Variants in LTBP1 observed in about 807,000 individuals in gnomAD.
The protein encoded by LTBP1 is latent-transforming growth factor beta-binding protein 1.
Under a neutral mutation model 207.6 loss-of-function variants are expected in LTBP1, and 129 were observed. The ratio of observed to expected loss-of-function variants is 0.62; its 90% confidence interval spans 0.54 to 0.72. LTBP1 has a LOEUF of 0.72. Ranked by LOEUF, LTBP1 falls within the 30% of genes least tolerant of loss-of-function variation. The probability of loss-of-function intolerance (pLI) is 0.00; values close to 1 mark genes in which losing one functional copy is unlikely to be tolerated. For synonymous variants in LTBP1, 963 were observed against 833.7 expected (o/e 1.16, Z -2.67); for missense variants, 2,281 against 2,217.2 (o/e 1.03, Z -0.58).
At chr2:33,298,956 G>A (rs2093932283) in intron 20 of LTBP1, among the ~76,000 whole-genome samples, 1 of 152,130 alleles carries the variant, frequency 6.6e-6, no homozygotes, top group African/African-American at 2.4e-5. Context: ...CATTTTAAAA[G>A]TTAATGCCCC....
At chr2:33,100,204 C>T (rs897770790) in intron 3 of LTBP1, among the ~76,000 whole-genome samples, 4 of 152,188 alleles carry the variant, frequency 2.6e-5, no homozygotes, top group Admixed American at 2.6e-4. Context: ...AGACTGACAG[C>T]TCATGCTGTG....
intron 5 of LTBP1, among the ~76,000 whole-genome samples, chr2:33,171,121 G>A (rs1237401890): frequency 1.6e-5 from 2 of 127,400 alleles, no homozygotes; most frequent in African/African-American, 2.9e-5. Flanking sequence ...CCAAAGGAAC[G>A]CAGTTCCTCA....
At chr2:33,048,062 TG>T (rs1469524285) in intron 3 of LTBP1, among the ~76,000 whole-genome samples, 2 of 152,270 alleles carry the variant, frequency 1.3e-5, no homozygotes, top group African/African-American at 4.8e-5. Context: ...GGATGAACCT[TG>T]CATAAATTAA....
Position 32,969,229 on chromosome 2 carries a change from T to TTGTGTG in LTBP1, c.565+20322_565+20327dup, listed in dbSNP as rs201873946. Among the ~76,000 whole-genome samples the TTGTGTG allele has an allele frequency of 8.0e-3, 1,053 of 131,636 alleles. 7 individuals carry two copies. The highest frequency in any genetic ancestry group is 0.017 in the South Asian group (69 of 4,068). 86.4% of individuals were successfully genotyped at this position (131,636 alleles called of 152,430 possible). A position where few individuals can be genotyped will look rare whatever the true frequency, so the allele number is the denominator to read the frequency against. ...GTGTGAGCCATGGCACCTGGCCAAT[T>TTGTGTG]TGTGTGTGTGTGTGTGTGTGTGTGT... On this transcript the variant is annotated intron_variant, in intron 2 of 33. Coordinates refer to ENST00000404816, the MANE Select transcript of LTBP1 (RefSeq NM_206943.4).
chr2:33,384,204 C>T (rs532031482), intron 31 of LTBP1, among the ~76,000 whole-genome samples: 28 of 152,264 alleles, frequency 1.8e-4, no homozygotes, highest in African/African-American at 6.5e-4. Flanking sequence ...TAAACCTTTT[C>T]TTTTTTCAAT....
In LTBP1 at chr2:33,347,141, A is replaced by C. The variant is rs922243180; in HGVS notation, c.3857-226A>C. Among the ~76,000 whole-genome samples, 27 of 150,986 alleles carry C rather than the reference A, an allele frequency of 1.8e-4. 1 individual carries two copies. The highest frequency in any genetic ancestry group is 2.7e-4 in the Non-Finnish European group (18 of 67,754). ...TCAAAAAAAAAAAAAAAAAAAAAAA[A>C]CCTAAATTCGGAATTGTCTTGAATT... On this transcript the variant is annotated intron_variant, in intron 25 of 33. Transcript: ENST00000404816.
Position 33,222,150 on chromosome 2 carries a change from AG to A in LTBP1, c.1876+1del. 1 of 1,605,458 alleles carries A rather than the reference AG, an allele frequency of 6.2e-7. No individual in the cohort carries two copies. The highest frequency in any genetic ancestry group is 8.5e-7 in the Non-Finnish European group (1 of 1,171,954). On this transcript the variant is annotated frameshift_variant and splice_region_variant, in exon 9 of 34. Coordinates refer to ENST00000404816, the MANE Select transcript of LTBP1 (RefSeq NM_206943.4). LOFTEE classifies it high-confidence loss of function. ...AGCGGGTTAACAACACCTTTTGCCA[AG>A]GTAAGACTAACTGAATTCATTGATG... ...YKRVNNTFCQ[D>X]INECQLQGVC...
chr2:33,331,981 A>G (rs1162975153), intron 24 of LTBP1, among the ~76,000 whole-genome samples: 1 of 152,144 alleles, frequency 6.6e-6, no homozygotes, highest in Non-Finnish European at 1.5e-5. Context: ...TTTATCTTAC[A>G]TAATATAATT....
chr2:33,094,074 G>A (rs2079253494), intron 3 of LTBP1, among the ~76,000 whole-genome samples: 1 of 152,090 alleles, frequency 6.6e-6, no homozygotes, highest in African/African-American at 2.4e-5. Flanking sequence ...GTAAGTTAAT[G>A]ATATATAACT....
At chr2:33,045,883 A>G (rs550795199) in intron 3 of LTBP1, among the ~76,000 whole-genome samples, 1 of 152,226 alleles carries the variant, frequency 6.6e-6, no homozygotes, top group East Asian at 1.9e-4. Flanking sequence ...GCAATTTTGA[A>G]TGGGAGTTCA....
At chr2:33,053,531 C>T (rs565243676) in intron 3 of LTBP1, among the ~76,000 whole-genome samples, 7 of 152,060 alleles carry the variant, frequency 4.6e-5, no homozygotes, top group African/African-American at 1.4e-4. Context: ...TCGGCCTCGG[C>T]GCCCAGTCTA....
intron 3 of LTBP1, among the ~76,000 whole-genome samples, chr2:33,029,085 G>C (rs1191795875): frequency 1.3e-5 from 2 of 152,198 alleles, no homozygotes; most frequent in African/African-American, 2.4e-5. Flanking sequence ...TACAGTTCTA[G>C]AGTAGTGTGA....
intron 8 of LTBP1, 107 bp downstream of exon 8, chr2:33,217,761 C>T: frequency 1.2e-6 from 1 of 829,904 alleles, no homozygotes; most frequent in Non-Finnish European, 2.0e-6. Flanking sequence ...AACTCTCCTA[C>T]TGAATTCTAG....
chr2:32,950,623 C>G (rs1188622322), intron 2 of LTBP1, among the ~76,000 whole-genome samples: 1 of 151,230 alleles, frequency 6.6e-6, no homozygotes, highest in Non-Finnish European at 1.5e-5. Context: ...CCTGGCTACT[C>G]AGGAGTCTGA....
chr2:33,290,400 A>G (rs1299101077), intron 19 of LTBP1, among the ~76,000 whole-genome samples: 1 of 152,186 alleles, frequency 6.6e-6, no homozygotes, highest in African/African-American at 2.4e-5. Flanking sequence ...TTCTGCTATC[A>G]TTACCACCCA....
chr2:33,180,043 G>A (rs147598134), intron 5 of LTBP1, among the ~76,000 whole-genome samples: 2,258 of 152,232 alleles, frequency 0.015, 169 homozygotes, highest in Admixed American at 0.13. Context: ...CTTCACTCAT[G>A]TTATTTGTTC....
At chr2:33,390,707 G>A (rs1007316282) in intron 32 of LTBP1, among the ~76,000 whole-genome samples, 1 of 151,936 alleles carries the variant, frequency 6.6e-6, no homozygotes, top group African/African-American at 2.4e-5. Context: ...GTCCAGGCTG[G>A]TCTCGAACTC....
chr2:33,352,842 A>G (rs2094800369), intron 26 of LTBP1, among the ~76,000 whole-genome samples: 1 of 151,738 alleles, frequency 6.6e-6, no homozygotes, highest in South Asian at 2.1e-4. Context: ...TCCGTCCTAC[A>G]CTCCTCATAC....
chr2:33,202,062 G>GCACACAC (rs1558805798), intron 7 of LTBP1, among the ~76,000 whole-genome samples: 18 of 102,714 alleles, frequency 1.8e-4, no homozygotes, highest in African/African-American at 6.5e-4. Flanking sequence ...CACACACACA[G>GCACACAC]AGCATTCTAA....
Sources: allele counts gnomAD v4.1 joint callset (sites outside exome capture counted in the v4.1 genomes callset), GRCh38; gene constraint gnomAD v4.1.1; transcripts MANE v1.5; gene names NCBI Gene and HGNC (gene_info 2026-07-23, HGNC 2026-07-21).